NR3C2: variants seen among roughly 807,000 people sequenced by gnomAD.
The protein encoded by NR3C2 is nuclear receptor subfamily 3 group C member 2.
NR3C2 carries 15 observed loss-of-function variants against 86.4 expected under a neutral mutation model. The observed-to-expected ratio is 0.17, with a 90% CI of 0.12 to 0.27. The LOEUF (loss-of-function observed/expected upper bound fraction) is 0.27. Ranked by LOEUF, NR3C2 falls within the 10% of genes least tolerant of loss-of-function variation. The pLI, the probability that NR3C2 is intolerant of heterozygous loss-of-function variation, is 1.00. For synonymous variants in NR3C2, 458 were observed against 450.5 expected, an observed-to-expected ratio of 1.02 and a Z score of -0.21; for missense variants, 960 against 1,195.6, an observed-to-expected ratio of 0.80 and a Z score of 2.91.
At chr4:148,255,451 C>A (rs1739786477) in intron 3 of NR3C2, among the ~76,000 whole-genome samples, 1 of 152,140 alleles carries the variant, frequency 6.6e-6, no homozygotes. Flanking sequence ...TCTTTTACAG[C>A]CATTTAGTTT....
At chr4:148,382,550 G>A (rs1314225678) in intron 2 of NR3C2, among the ~76,000 whole-genome samples, 2 of 152,152 alleles carry the variant, frequency 1.3e-5, no homozygotes, top group Admixed American at 1.3e-4. Flanking sequence ...AAGTAACTCA[G>A]TGGGAGTTAT....
intron 8 of NR3C2, among the ~76,000 whole-genome samples, chr4:148,084,679 T>TAAAC (rs958522635): frequency 3.3e-5 from 5 of 152,180 alleles, no homozygotes; most frequent in Non-Finnish European, 7.3e-5. Context: ...GCCTTAAATG[T>TAAAC]AAACAGGCTA....
chr4:148,222,953 G>C (rs955724630), intron 3 of NR3C2, among the ~76,000 whole-genome samples: 2 of 151,692 alleles, frequency 1.3e-5, no homozygotes, highest in South Asian at 2.1e-4. Flanking sequence ...TGAGAAAGAG[G>C]GAGAGGAGAA....
chr4:148,413,434 G>C (rs975733705), intron 2 of NR3C2, among the ~76,000 whole-genome samples: 1 of 151,876 alleles, frequency 6.6e-6, no homozygotes. Flanking sequence ...AGTAGAGAGG[G>C]GTTTCTTAGG....
At chr4:148,203,334 C>A (rs1351979977) in intron 3 of NR3C2, among the ~76,000 whole-genome samples, 1 of 151,688 alleles carries the variant, frequency 6.6e-6, no homozygotes, top group Non-Finnish European at 1.5e-5. Context: ...AAAAAAAAAT[C>A]ATTTATTTTC....
chr4:148,370,517 T>C (rs1036583725), intron 2 of NR3C2, among the ~76,000 whole-genome samples: 1 of 152,184 alleles, frequency 6.6e-6, no homozygotes, highest in African/African-American at 2.4e-5. Context: ...AAATACTGTA[T>C]GTGCGTGTAT....
chr4:148,319,860 AC>A (rs1357673313), intron 2 of NR3C2, among the ~76,000 whole-genome samples: 1 of 142,798 alleles, frequency 7.0e-6, no homozygotes, highest in Non-Finnish European at 1.5e-5. Context: ...CTAATTGAAT[AC>A]CCTTTATTTC....
At chr4:148,301,976 T>C (rs1742361094) in intron 2 of NR3C2, among the ~76,000 whole-genome samples, 1 of 152,232 alleles carries the variant, frequency 6.6e-6, no homozygotes, top group African/African-American at 2.4e-5. Flanking sequence ...TCTGAGTATA[T>C]GCTATCAATC....
At chr4:148,106,983 T>G (rs1181108864) in intron 8 of NR3C2, among the ~76,000 whole-genome samples, 1 of 152,096 alleles carries the variant, frequency 6.6e-6, no homozygotes, top group Non-Finnish European at 1.5e-5. Flanking sequence ...CCTAAAGCAA[T>G]GGCAACAAAA....
chr4:148,153,013 T>TA (rs1560948757), intron 5 of NR3C2, among the ~76,000 whole-genome samples: 1 of 152,120 alleles, frequency 6.6e-6, no homozygotes, highest in Non-Finnish European at 1.5e-5. Flanking sequence ...GTATCTGCAA[T>TA]AATGGTGGGA....
chr4:148,091,016 A>G (rs1352521790), intron 8 of NR3C2, among the ~76,000 whole-genome samples: 1 of 152,250 alleles, frequency 6.6e-6, no homozygotes, highest in Non-Finnish European at 1.5e-5. Context: ...AACTACTACC[A>G]GAAAAGGGCT....
intron 4 of NR3C2, among the ~76,000 whole-genome samples, chr4:148,179,127 C>T (rs1459492325): frequency 6.6e-6 from 1 of 151,438 alleles, no homozygotes; most frequent in Non-Finnish European, 1.5e-5. Flanking sequence ...ACAAAAACCA[C>T]AAAACGATTT....
intron 3 of NR3C2, among the ~76,000 whole-genome samples, chr4:148,221,795 G>A (rs1045670811): frequency 6.6e-6 from 1 of 150,608 alleles, no homozygotes; most frequent in African/African-American, 2.4e-5. Flanking sequence ...TTGGGAGGCT[G>A]AAGCAGGAGA....
At chr4:148,182,679 T>C (rs1011235881) in intron 4 of NR3C2, among the ~76,000 whole-genome samples, 3 of 152,202 alleles carry the variant, frequency 2.0e-5, no homozygotes, top group African/African-American at 4.8e-5. Flanking sequence ...ACTTGTACCA[T>C]GGCTGTTTTT....
chr4:148,174,115 A>G (rs1306842832), intron 4 of NR3C2, among the ~76,000 whole-genome samples: 1 of 152,260 alleles, frequency 6.6e-6, no homozygotes, highest in Non-Finnish European at 1.5e-5. Flanking sequence ...TTAAAAAAAT[A>G]AGTCAAATGA....
At position 148,178,939 on chromosome 4, in the gene NR3C2, A is replaced by C. The variant is rs1419535440; in HGVS notation, c.2014+15807T>G. Among the ~76,000 whole-genome samples the C allele has an allele frequency of 9.3e-5, 14 of 150,932 alleles. 4 individuals carry two copies. Among genetic ancestry groups the C allele is most frequent in the Non-Finnish European group, 1.3e-4 (9 of 67,710 alleles). ...ATAGCAGAAAGAAGCAGGTAAAAAA[A>C]AAAAAAAACAAAAAAAAACAACAAA... On this transcript the variant is annotated intron_variant, in intron 4 of 8. Coordinates refer to ENST00000358102, the MANE Select transcript of NR3C2 (RefSeq NM_000901.5).
intron 2 of NR3C2, among the ~76,000 whole-genome samples, chr4:148,402,398 T>C (rs1020779354): frequency 6.6e-6 from 1 of 152,208 alleles, no homozygotes; most frequent in African/African-American, 2.4e-5. Context: ...GAGGATATAA[T>C]GAAATATCTG....
intron 6 of NR3C2, among the ~76,000 whole-genome samples, chr4:148,147,292 C>A (rs1733915017): frequency 6.6e-6 from 1 of 152,176 alleles, no homozygotes; most frequent in African/African-American, 2.4e-5. Flanking sequence ...CATTTGAAGG[C>A]AAACCCAAAG....
intron 6 of NR3C2, among the ~76,000 whole-genome samples, chr4:148,134,643 C>CTTTTTTTTTTT (rs1175816621): frequency 4.9e-5 from 2 of 40,804 alleles, no homozygotes; most frequent in Admixed American, 3.3e-4. Flanking sequence ...CTCTCTCTCT[C>CTTTTTTTTTTT]TTTTTTTTTT....
Sources: allele counts gnomAD v4.1 joint callset (sites outside exome capture counted in the v4.1 genomes callset), GRCh38; gene constraint gnomAD v4.1.1; transcripts MANE v1.5; gene names NCBI Gene and HGNC (gene_info 2026-07-23, HGNC 2026-07-21).